The following CDH13 variants were observed in gnomAD, a reference collection of about 807,000 sequenced individuals.
CDH13 encodes cadherin 13, also known as cadherin-13.
In CDH13, 24 loss-of-function variants were observed where a neutral mutation model predicts 63.8. The observed-to-expected ratio is 0.38, with a 90% CI of 0.27 to 0.53. CDH13 has a LOEUF of 0.53. Among genes scored for constraint, CDH13 ranks in the 20% least tolerant of loss-of-function variants. The pLI, the probability that CDH13 is intolerant of heterozygous loss-of-function variation, is 0.85. For missense variants in CDH13, 1,049 were observed against 903.1 expected, an observed-to-expected ratio of 1.16 and a Z score of -2.07; for synonymous variants, 503 against 355.3, an observed-to-expected ratio of 1.42 and a Z score of -4.67.
At chr16:83,452,092 G>A (rs1217706384) in intron 6 of CDH13, among the ~76,000 whole-genome samples, 1 of 152,152 alleles carries the variant, frequency 6.6e-6, no homozygotes, top group Non-Finnish European at 1.5e-5. Flanking sequence ...CACCGCCTGA[G>A]ATTACAGGAC....
intron 2 of CDH13, among the ~76,000 whole-genome samples, chr16:82,948,641 G>T (rs1188712025): frequency 6.6e-6 from 1 of 152,128 alleles, no homozygotes; most frequent in Non-Finnish European, 1.5e-5. Context: ...GTTGTTCCAG[G>T]ACACAGCCTA....
At chr16:83,794,808 C>T (rs1904274516) in intron 13 of CDH13, among the ~76,000 whole-genome samples, 1 of 151,982 alleles carries the variant, frequency 6.6e-6, no homozygotes, top group Non-Finnish European at 1.5e-5. Context: ...TCTGAAGTCA[C>T]CATTAGCATT....
At chr16:83,608,660 A>G (rs992522624) in intron 8 of CDH13, among the ~76,000 whole-genome samples, 1 of 109,894 alleles carries the variant, frequency 9.1e-6, no homozygotes, top group Admixed American at 9.6e-5. Context: ...TAATTTTTGT[A>G]TTTTTTTTTT....
At chr16:83,549,908 G>T (rs1191623519) in intron 7 of CDH13, among the ~76,000 whole-genome samples, 1 of 152,250 alleles carries the variant, frequency 6.6e-6, no homozygotes, top group East Asian at 1.9e-4. Flanking sequence ...AGACTCTGAC[G>T]GAGGTTTTAA....
At chr16:83,072,750 A>G (rs1240076240) in intron 3 of CDH13, among the ~76,000 whole-genome samples, 3 of 152,104 alleles carry the variant, frequency 2.0e-5, no homozygotes, top group Non-Finnish European at 4.4e-5. Flanking sequence ...CCTCCCTAAA[A>G]TTCCCCTAAG....
intron 4 of CDH13, among the ~76,000 whole-genome samples, chr16:83,181,326 T>A (rs2038342821): frequency 6.6e-6 from 1 of 152,126 alleles, no homozygotes; most frequent in Admixed American, 6.6e-5. Flanking sequence ...CACCCTCACA[T>A]TTGGATTTGA....
intron 5 of CDH13, among the ~76,000 whole-genome samples, chr16:83,294,730 GA>G (rs1206093884): frequency 1.3e-5 from 2 of 151,696 alleles, no homozygotes; most frequent in Non-Finnish European, 2.9e-5. Flanking sequence ...AGAAATTGAA[GA>G]AAACAAAAAT....
chr16:82,647,188 G>A (rs1035606828), intron 1 of CDH13, among the ~76,000 whole-genome samples: 1 of 152,176 alleles, frequency 6.6e-6, no homozygotes, highest in Non-Finnish European at 1.5e-5. Flanking sequence ...AAACCTAGCT[G>A]ATATGACTGG....
chr16:82,822,614 C>T (rs2038056231), intron 1 of CDH13, among the ~76,000 whole-genome samples: 1 of 152,132 alleles, frequency 6.6e-6, no homozygotes, highest in African/African-American at 2.4e-5. Context: ...CCTGCCTTAG[C>T]CTTCTGAATA....
chr16:83,387,008 A>T (rs921766687), intron 6 of CDH13, among the ~76,000 whole-genome samples: 2 of 152,164 alleles, frequency 1.3e-5, no homozygotes, highest in Non-Finnish European at 2.9e-5. Flanking sequence ...CTTAGCCAGA[A>T]TTGTGTTATA....
At chr16:83,306,024 A>T (rs1176656425) in intron 5 of CDH13, among the ~76,000 whole-genome samples, 1 of 152,130 alleles carries the variant, frequency 6.6e-6, no homozygotes, top group Admixed American at 6.5e-5. Context: ...GCACTACAGA[A>T]TATTCAGCAG....
intron 4 of CDH13, among the ~76,000 whole-genome samples, chr16:83,143,171 A>G (rs754917406): frequency 2.0e-5 from 3 of 152,182 alleles, no homozygotes; most frequent in Non-Finnish European, 4.4e-5. Flanking sequence ...TACATGCAGA[A>G]CGAATGGTAT....
chr16:82,737,722 A>G (rs946296937), intron 1 of CDH13, among the ~76,000 whole-genome samples: 1 of 152,136 alleles, frequency 6.6e-6, no homozygotes, highest in African/African-American at 2.4e-5. Flanking sequence ...CACCTTCCCC[A>G]TACTTTTTTC....
chr16:83,565,741 T>C (rs906578474), intron 7 of CDH13, among the ~76,000 whole-genome samples: 3 of 151,980 alleles, frequency 2.0e-5, no homozygotes, highest in Non-Finnish European at 4.4e-5. Flanking sequence ...TTGTGATAAC[T>C]GATTTATTAT....
At chr16:83,458,372 C>G (rs2073080824) in intron 6 of CDH13, among the ~76,000 whole-genome samples, 1 of 152,214 alleles carries the variant, frequency 6.6e-6, no homozygotes, top group African/African-American at 2.4e-5. Flanking sequence ...TTCCACCTCT[C>G]CTAATTCCTC....
At chr16:83,539,299 G>A (rs1305934816) in intron 7 of CDH13, among the ~76,000 whole-genome samples, 2 of 152,086 alleles carry the variant, frequency 1.3e-5, no homozygotes, top group East Asian at 3.9e-4. Flanking sequence ...TCACAGTAGG[G>A]TTCACGCTTC....
intron 6 of CDH13, among the ~76,000 whole-genome samples, chr16:83,393,431 G>A (rs11645425): frequency 0.6 from 90,715 of 151,988 alleles, 29,300 homozygotes; most frequent in East Asian, 0.76. Context: ...AGAGATGTGA[G>A]GAGAAGCCAG....
intron 10 of CDH13, among the ~76,000 whole-genome samples, chr16:83,732,069 T>G (rs1186429205): frequency 6.6e-6 from 1 of 152,212 alleles, no homozygotes; most frequent in East Asian, 1.9e-4. Flanking sequence ...AAATTCACAC[T>G]GTGAGCCGGG....
intron 1 of CDH13, among the ~76,000 whole-genome samples, chr16:82,853,751 T>C (rs2039583921): frequency 6.6e-6 from 1 of 152,228 alleles, no homozygotes; most frequent in Non-Finnish European, 1.5e-5. Flanking sequence ...TTACCTCTCA[T>C]TTCTTAGGTA....
Sources: allele counts gnomAD v4.1 joint callset (sites outside exome capture counted in the v4.1 genomes callset), GRCh38; gene constraint gnomAD v4.1.1; transcripts MANE v1.5; gene names NCBI Gene and HGNC (gene_info 2026-07-23, HGNC 2026-07-21).